Variants in GPR161 observed in about 807,000 individuals in gnomAD.
GPR161 encodes the protein G protein-coupled receptor 161.
GPR161 carries 25 observed loss-of-function variants against 39.2 expected under a neutral mutation model. That is an observed-to-expected ratio of 0.64 (90% confidence interval 0.47 to 0.89). The LOEUF (loss-of-function observed/expected upper bound fraction) is 0.89, where lower values mean the gene tolerates loss of function less well. Ranked by LOEUF, GPR161 falls within the 40% of genes least tolerant of loss-of-function variation. GPR161 has a pLI of 0.00. For missense variants in GPR161, 547 were observed against 677.8 expected (o/e 0.81, Z 2.14); for synonymous variants, 286 against 276.6 (o/e 1.03, Z -0.34).
chr1:168,087,482 C>A, intron 5 of GPR161, 103 bp downstream of exon 5: 6 of 1,339,226 alleles, frequency 4.5e-6, no homozygotes, highest in Non-Finnish European at 6.4e-6. Context: ...GGGATGGAGC[C>A]CTGATATATT....
chr1:168,102,354 G>A (rs1696184304), intron 2 of GPR161, among the ~76,000 whole-genome samples: 1 of 152,122 alleles, frequency 6.6e-6, no homozygotes, highest in Non-Finnish European at 1.5e-5. Flanking sequence ...AGTTGTCGAT[G>A]GTGGTTATTT....
At chr1:168,094,324 C>A (rs1411502669) in intron 3 of GPR161, among the ~76,000 whole-genome samples, 1 of 152,038 alleles carries the variant, frequency 6.6e-6, no homozygotes, top group African/African-American at 2.4e-5. Context: ...TGGACTAATA[C>A]ATTAATCAGT....
chr1:168,103,257 G>T (rs183317601), intron 2 of GPR161, among the ~76,000 whole-genome samples: 1 of 152,140 alleles, frequency 6.6e-6, no homozygotes, highest in Admixed American at 6.5e-5. Flanking sequence ...GAAAAAAGGA[G>T]GACAGAAAAC....
In GPR161 at chr1:168,090,598, C is replaced by T. The variant is rs771035075; in HGVS notation, c.1170G>A (p.Thr390=). 4.3e-5 allele frequency: 69 copies of T among 1,610,994 alleles called. No homozygotes were observed. Among genetic ancestry groups the T allele is most frequent in the Middle Eastern group, 3.3e-4 (2 of 6,072 alleles). ...GGQPLGHSSS[T]GDTGFSCSQD... ...GGGAGCAGCTGAAGCCAGTGTCCCC[C>T]GTGCTGCTGCTGTGCCCCAGGGGCT... is the stretch of plus-strand genomic sequence containing the variant. The change falls in exon 4 of 6, where the codon ACG becomes ACA. Residue 390 remains threonine (T), a synonymous_variant. Transcript: ENST00000682931.
Position 168,084,033 on chromosome 1 carries a change from A to G in GPR161, c.*1498T>C, listed in dbSNP as rs897772569. 1 of 152,922 alleles carries G rather than the reference A, an allele frequency of 6.5e-6. No homozygotes were observed. The highest frequency in any genetic ancestry group is 2.4e-5 in the African/African-American group (1 of 41,474). The allele number at this position is 152,922 out of a possible 1,614,324, so 9.5% of individuals were successfully genotyped here. A position where few individuals can be genotyped will look rare whatever the true frequency, so the allele number is the denominator to read the frequency against. ...CCAAGGGCAGACGCAAGAGGAGATC[A>G]GTGGCTTCCCAAGTCATCACAGCAA... is the stretch of plus-strand genomic sequence containing the variant. On this transcript the variant is annotated 3_prime_UTR_variant, in exon 6 of 6. Transcript: ENST00000682931.
At chr1:168,119,533 G>A (rs1157592661) in intron 1 of GPR161, among the ~76,000 whole-genome samples, 1 of 151,954 alleles carries the variant, frequency 6.6e-6, no homozygotes, top group Admixed American at 6.6e-5. Context: ...ATAGTTTAAT[G>A]AGAATAGGGT....
chr1:168,118,813 C>G (rs930302792), intron 1 of GPR161: 8 of 151,950 alleles, frequency 5.3e-5, no homozygotes, highest in African/African-American at 1.7e-4. Flanking sequence ...CCAAAGAAGA[C>G]GAGCAAATGG....
At chr1:168,119,275 T>TATACATGTACAC in intron 1 of GPR161, among the ~76,000 whole-genome samples, 1 of 101,426 alleles carries the variant, frequency 9.9e-6, no homozygotes, top group Non-Finnish European at 2.0e-5. Context: ...TATGTGTATA[T>TATACATGTACAC]ATATATATAT....
chr1:168,115,683 G>A (rs184388657), intron 1 of GPR161, among the ~76,000 whole-genome samples: 159 of 152,260 alleles, frequency 1.0e-3, no homozygotes, highest in African/African-American at 3.6e-3. Context: ...GGGGTGTGGT[G>A]GTCAGAAGGA....
upstream of GPR161, chr1:168,137,413 C>T: frequency 6.5e-7 from 1 of 1,533,926 alleles, no homozygotes; most frequent in Non-Finnish European, 8.7e-7. Flanking sequence ...AGCCGACGGG[C>T]ACGAGCATCC....
At chr1:168,087,885 G>A (rs1373688850) in intron 4 of GPR161, 181 bp from the exon 5 acceptor site, 2 of 571,244 alleles carry the variant, frequency 3.5e-6, no homozygotes, top group African/African-American at 1.9e-5. Flanking sequence ...GTTTCAGGGA[G>A]TTTGCAGACA....
chr1:168,118,017 G>A (rs1161410065), intron 1 of GPR161, among the ~76,000 whole-genome samples: 3 of 152,182 alleles, frequency 2.0e-5, no homozygotes, highest in Non-Finnish European at 4.4e-5. Context: ...GTAGAGAAGA[G>A]ATTGAGGCTC....
chr1:168,136,911 C>T lies in GPR161; in HGVS notation c.-217G>A, dbSNP rs1434510489. The T allele has an allele frequency of 1.0e-5, 10 of 980,902 alleles. 1 individual carries two copies. The highest frequency in any genetic ancestry group is 1.2e-5 in the Non-Finnish European group (10 of 828,088). 60.8% of individuals were successfully genotyped at this position (980,902 alleles called of 1,614,324 possible). A position where few individuals can be genotyped will look rare whatever the true frequency, so the allele number is the denominator to read the frequency against. On this transcript the variant is annotated 5_prime_UTR_variant, in exon 1 of 6. Coordinates refer to ENST00000682931, the MANE Select transcript of GPR161 (RefSeq NM_001375883.1). Reference sequence around the variant, plus strand: ...CGGGCCAGCCACCAGCACGCGGACCCGGGCGGGCGCAGGCCAAGTAACTTT... The same window carrying T: ...CGGGCCAGCCACCAGCACGCGGACCTGGGCGGGCGCAGGCCAAGTAACTTT...
At chr1:168,086,251 A>G (rs937867879) in intron 5 of GPR161, among the ~76,000 whole-genome samples, 7 of 152,060 alleles carry the variant, frequency 4.6e-5, no homozygotes, top group African/African-American at 1.7e-4. Context: ...TCTCCTCTCC[A>G]TATTTGCTCA....
In GPR161 at chr1:168,104,579, C is replaced by CA; in HGVS notation, c.271_272insT (p.Arg91MetfsTer82). 6.2e-7 allele frequency: 1 copy of CA among 1,614,054 alleles called. No homozygotes were observed. Among genetic ancestry groups the CA allele is most frequent in the Non-Finnish European group, 8.5e-7 (1 of 1,179,950 alleles). On this transcript the variant is annotated frameshift_variant, in exon 2 of 6. Transcript: ENST00000682931. LOFTEE classifies it high-confidence loss of function. The stretch of plus-strand genomic sequence containing the variant: ...CCACACTACACCAAAGATCCATTCC[C>CA]TGCGGATGGAGCTCGTCACCACAAA...
chr1:168,136,347 G>A, intron 1 of GPR161: 1 of 1,475,742 alleles, frequency 6.8e-7, no homozygotes. Context: ...GGCCCCAGGG[G>A]GCGCGGCCCG....
Position 168,083,894 on chromosome 1 carries a change from G to A in GPR161, c.*1637C>T, listed in dbSNP as rs925248328. 15 of 152,192 alleles carry A rather than the reference G, an allele frequency of 9.9e-5. No individual in the cohort carries two copies. Among genetic ancestry groups the A allele is most frequent in the African/African-American group, 3.6e-4 (15 of 41,392 alleles). 9.4% of individuals were successfully genotyped at this position (152,192 alleles called of 1,614,324 possible). ...CTGGGCCCCAAAGAAAAAACCACAAGGGTAATTCACTTTCTAGAACAGCTG... is the reference window on the plus strand; with the variant it reads ...CTGGGCCCCAAAGAAAAAACCACAAAGGTAATTCACTTTCTAGAACAGCTG... On this transcript the variant is annotated 3_prime_UTR_variant, in exon 6 of 6. Coordinates refer to ENST00000682931, the MANE Select transcript of GPR161 (RefSeq NM_001375883.1).
rs1397432239 is a variant in GPR161 at position 168,084,367 on chromosome 1, G to A, written c.*1164C>T. The stretch of plus-strand genomic sequence containing the variant: ...TTTACAAATCCTGAGAACACCAAAG[G>A]TCAGAGCTGGAAATGATCTTGGAGA... On this transcript the variant is annotated 3_prime_UTR_variant, in exon 6 of 6. Coordinates refer to ENST00000682931, the MANE Select transcript of GPR161 (RefSeq NM_001375883.1). The A allele has an allele frequency of 4.9e-6, 1 of 204,062 alleles. No homozygotes were observed. Among genetic ancestry groups the A allele is most frequent in the Admixed American group, 5.3e-5 (1 of 18,868 alleles). The allele number at this position is 204,062 out of a possible 1,614,324, so 12.6% of individuals were successfully genotyped here. A position where few individuals can be genotyped will look rare whatever the true frequency, so the allele number is the denominator to read the frequency against.
chr1:168,127,611 C>G (rs1698686088), intron 1 of GPR161, among the ~76,000 whole-genome samples: 1 of 152,124 alleles, frequency 6.6e-6, no homozygotes, highest in African/African-American at 2.4e-5. Context: ...CTTACAGTTC[C>G]ACATGGCTGG....
Sources: allele counts gnomAD v4.1 joint callset (sites outside exome capture counted in the v4.1 genomes callset), GRCh38; gene constraint gnomAD v4.1.1; transcripts MANE v1.5; gene names NCBI Gene and HGNC (gene_info 2026-07-23, HGNC 2026-07-21).